Variants in GPATCH2 observed in about 807,000 individuals in gnomAD.
GPATCH2 encodes G patch domain-containing protein 2.
In GPATCH2, 51 loss-of-function variants were observed where a neutral mutation model predicts 58.0. The observed-to-expected ratio is 0.88, with a 90% CI of 0.70 to 1.11. The LOEUF is 1.11. Ranked by LOEUF, GPATCH2 falls within the 50% of genes most tolerant of loss-of-function variation. GPATCH2 has a pLI of 0.00. For missense variants in GPATCH2, 625 were observed against 652.2 expected (o/e 0.96, Z 0.45); for synonymous variants, 222 against 218.5 (o/e 1.02, Z -0.14).
At chr1:217,577,736 C>CTTT (rs1553345089) in intron 5 of GPATCH2, among the ~76,000 whole-genome samples, 2,629 of 146,164 alleles carry the variant, frequency 0.018, 87 homozygotes, top group African/African-American at 0.061. Flanking sequence ...TCTGGTTTTA[C>CTTT]TTATTATTAT....
rs564612218 is a variant in GPATCH2, at chr1:217,490,032, G to A, written c.1277+1648C>T. Among the ~76,000 whole-genome samples, 35 of 152,176 alleles carry A rather than the reference G, an allele frequency of 2.3e-4. No homozygotes were observed. In the South Asian group the frequency reaches 7.3e-3, roughly 32 times the overall value. ...CATTCTTGCATCTCAGAACTTCCTT[G>A]GGACTTTTATGAAATACACCCTTTA... On this transcript the variant is annotated intron_variant, in intron 8 of 9. Transcript: ENST00000366935.
intron 6 of GPATCH2, among the ~76,000 whole-genome samples, chr1:217,506,504 A>T (rs1182311327): frequency 1.3e-5 from 2 of 152,218 alleles, no homozygotes; most frequent in African/African-American, 4.8e-5. Context: ...TGGCTAGGTA[A>T]GAACAGATCT....
At chr1:217,538,450 T>G (rs1278778648) in intron 5 of GPATCH2, among the ~76,000 whole-genome samples, 1 of 152,230 alleles carries the variant, frequency 6.6e-6, no homozygotes, top group African/African-American at 2.4e-5. Flanking sequence ...GAAACCTTAA[T>G]AGTCTGAAGG....
intron 5 of GPATCH2, among the ~76,000 whole-genome samples, chr1:217,584,777 A>C (rs1260222285): frequency 6.6e-6 from 1 of 152,142 alleles, no homozygotes; most frequent in Non-Finnish European, 1.5e-5. Flanking sequence ...AAAATGTTAG[A>C]AAAATAAAAG....
chr1:217,506,439 A>T (rs532534840), intron 6 of GPATCH2, among the ~76,000 whole-genome samples: 29 of 152,334 alleles, frequency 1.9e-4, no homozygotes, highest in African/African-American at 7.0e-4. Flanking sequence ...GGTTTCATAG[A>T]TTGAGATATG....
intron 8 of GPATCH2, among the ~76,000 whole-genome samples, chr1:217,457,775 TA>T (rs1451717914): frequency 2.6e-5 from 4 of 152,212 alleles, no homozygotes; most frequent in Admixed American, 6.5e-5. Flanking sequence ...CTGCTTGCTT[TA>T]AATGTGTCAT....
intron 5 of GPATCH2, among the ~76,000 whole-genome samples, chr1:217,552,995 T>C (rs953651918): frequency 2.6e-5 from 4 of 152,136 alleles, no homozygotes; most frequent in Admixed American, 2.0e-4. Context: ...AAATTACATA[T>C]TTAAGTGATA....
At chr1:217,496,075 G>T (rs756080622) in intron 7 of GPATCH2, among the ~76,000 whole-genome samples, 2 of 152,136 alleles carry the variant, frequency 1.3e-5, no homozygotes, top group Non-Finnish European at 2.9e-5. Context: ...TCATGGTCTT[G>T]CATTTCACCA....
chr1:217,449,006 T>C (rs1459015480), intron 9 of GPATCH2, among the ~76,000 whole-genome samples: 1 of 152,194 alleles, frequency 6.6e-6, no homozygotes, highest in Non-Finnish European at 1.5e-5. Context: ...AGTTTTTGTA[T>C]CCTTTTAATA....
At position 217,614,302 on chromosome 1, in the gene GPATCH2, C is replaced by CT; in HGVS notation, c.774-101dup. 4 of 695,030 alleles carry CT rather than the reference C, an allele frequency of 5.8e-6. No homozygotes were observed. In the Admixed American group the frequency reaches 9.2e-5, roughly 16 times the overall value. 43.1% of individuals were successfully genotyped at this position (695,030 alleles called of 1,614,324 possible). A position where few individuals can be genotyped will look rare whatever the true frequency, so the allele number is the denominator to read the frequency against. ...GGCAGCTCAGAGATGGAACTTAAGC[C>CT]TGACAAAGATCTGAAAGAAAATAAG... On this transcript the variant is annotated intron_variant, in intron 2 of 9. Transcript: ENST00000366935.
chr1:217,599,620 G>A (rs532123389), intron 5 of GPATCH2, among the ~76,000 whole-genome samples: 2 of 152,200 alleles, frequency 1.3e-5, no homozygotes, highest in African/African-American at 4.8e-5. Context: ...CAAACTGTAA[G>A]GTACTTGAGG....
intron 5 of GPATCH2, among the ~76,000 whole-genome samples, chr1:217,573,062 A>C (rs1371173593): frequency 6.6e-6 from 1 of 152,238 alleles, no homozygotes; most frequent in Non-Finnish European, 1.5e-5. Context: ...CCCTTCATCT[A>C]CAATATGCTT....
intron 5 of GPATCH2, among the ~76,000 whole-genome samples, chr1:217,527,777 A>G (rs1663989873): frequency 6.6e-6 from 1 of 152,230 alleles, no homozygotes; most frequent in Non-Finnish European, 1.5e-5. Flanking sequence ...GAATTCACTA[A>G]TAAGAGAGGA....
intron 8 of GPATCH2, among the ~76,000 whole-genome samples, chr1:217,468,562 CAG>C (rs1264762042): frequency 1.1e-3 from 137 of 128,940 alleles, no homozygotes; most frequent in Non-Finnish European, 1.4e-3. Context: ...CACACACACA[CAG>C]AGAGAAAGAG....
At chr1:217,439,775 T>C (rs1461414646) in intron 9 of GPATCH2, among the ~76,000 whole-genome samples, 2 of 152,152 alleles carry the variant, frequency 1.3e-5, no homozygotes, top group Non-Finnish European at 2.9e-5. Context: ...AAGAAATGGA[T>C]AAATTCCTGG....
At chr1:217,583,247 T>C (rs1465421778) in intron 5 of GPATCH2, among the ~76,000 whole-genome samples, 3 of 151,932 alleles carry the variant, frequency 2.0e-5, no homozygotes, top group Non-Finnish European at 1.5e-5. Context: ...AAGAATAAAA[T>C]GAGAAAGTGC....
In GPATCH2 at chr1:217,631,054, C is replaced by A. The variant is rs1290023146; in HGVS notation, c.-83G>T. ...AACAGCACCGGCGACTTCCAAAGAG[C>A]AGTTCAGCATTTTGAGATGAGCTTC... On this transcript the variant is annotated 5_prime_UTR_variant, in exon 1 of 10. Coordinates refer to ENST00000366935, the MANE Select transcript of GPATCH2 (RefSeq NM_018040.5). 13 of 1,338,250 alleles carry A rather than the reference C, an allele frequency of 9.7e-6. No homozygotes were observed. The highest frequency in any genetic ancestry group is 1.5e-5 in the African/African-American group (1 of 68,844). 82.9% of individuals were successfully genotyped at this position (1,338,250 alleles called of 1,614,324 possible). A position where few individuals can be genotyped will look rare whatever the true frequency, so the allele number is the denominator to read the frequency against.
chr1:217,549,493 T>C (rs903526939), intron 5 of GPATCH2, among the ~76,000 whole-genome samples: 1 of 152,210 alleles, frequency 6.6e-6, no homozygotes, highest in Non-Finnish European at 1.5e-5. Context: ...AAAAGTTTAT[T>C]TGATGTAGTA....
intron 5 of GPATCH2, among the ~76,000 whole-genome samples, chr1:217,573,064 A>G (rs959963794): frequency 6.6e-6 from 1 of 152,350 alleles, no homozygotes; most frequent in Non-Finnish European, 1.5e-5. Flanking sequence ...CTTCATCTAC[A>G]ATATGCTTTT....
Sources: allele counts gnomAD v4.1 joint callset (sites outside exome capture counted in the v4.1 genomes callset), GRCh38; gene constraint gnomAD v4.1.1; transcripts MANE v1.5; gene names NCBI Gene and HGNC (gene_info 2026-07-23, HGNC 2026-07-21).